NR2C2: variants seen among roughly 807,000 people sequenced by gnomAD.
NR2C2 encodes the protein Nuclear hormone receptor TR4.
NR2C2 carries 6 observed loss-of-function variants against 62.9 expected under a neutral mutation model. The observed-to-expected ratio is 0.10, with a 90% CI of 0.05 to 0.19. NR2C2 has a LOEUF of 0.19. Among genes scored for constraint, NR2C2 ranks in the 10% least tolerant of loss-of-function variants. The probability of loss-of-function intolerance (pLI) is 1.00; values close to 1 mark genes in which losing one functional copy is unlikely to be tolerated. For synonymous variants in NR2C2, 272 were observed against 273.8 expected (o/e 0.99, Z 0.07); for missense variants, 479 against 762.7 (o/e 0.63, Z 4.38).
rs943002638 is a variant in NR2C2, at chr3:15,042,663, A to AT, written c.1617-170dup. 2.0e-5 allele frequency: 12 copies of AT among 598,668 alleles called. No individual in the cohort carries two copies. In the African/African-American group the frequency reaches 2.2e-4, roughly 11 times the overall value. The allele number at this position is 598,668 out of a possible 1,614,324, so 37.1% of individuals were successfully genotyped here. A position where few individuals can be genotyped will look rare whatever the true frequency, so the allele number is the denominator to read the frequency against. ...TTTTGTACTCATTTGGTTTTTTCTC[A>AT]TGATAAATTTCTATAAGAGGAACTG... On this transcript the variant is annotated intron_variant, in intron 13 of 13. Transcript: ENST00000425241.
At position 15,028,640 on chromosome 3, in the gene NR2C2, G is replaced by A. The variant is rs1229736222; in HGVS notation, c.853G>A (p.Ala285Thr). 1 of 1,614,054 alleles carries A rather than the reference G, an allele frequency of 6.2e-7. No homozygotes were observed. The highest frequency in any genetic ancestry group is 1.1e-5 in the South Asian group (1 of 91,084). ...GTLANVVTSL[A>T]NLSESLNNGD... ...ACTGGCAAATGTAGTGACCTCCCTTGCCAACCTAAGTGAATCTTTGAACAA... is the reference window on the plus strand; with the variant it reads ...ACTGGCAAATGTAGTGACCTCCCTTACCAACCTAAGTGAATCTTTGAACAA... Residue 285 changes from alanine to threonine, a missense_variant, in exon 8 of 14, where the codon GCC (alanine) becomes ACC (threonine). This residue lies in a region of NR2C2 where 151 missense variants were observed against 176.1 expected (regional missense o/e 0.86). Coordinates refer to ENST00000425241, the MANE Select transcript of NR2C2 (RefSeq NM_001291694.2).
chr3:15,015,426 C>G (rs564730682), intron 3 of NR2C2, among the ~76,000 whole-genome samples: 3 of 152,232 alleles, frequency 2.0e-5, no homozygotes, highest in Non-Finnish European at 4.4e-5. Flanking sequence ...AGCTCACCAC[C>G]AGCTGCCTCA....
chr3:14,991,367 A>G (rs2040665190), intron 1 of NR2C2, among the ~76,000 whole-genome samples: 1 of 152,236 alleles, frequency 6.6e-6, no homozygotes, highest in African/African-American at 2.4e-5. Context: ...TTGCTGCACA[A>G]AGGGGGTTAA....
chr3:14,980,799 T>C (rs1449548292), intron 1 of NR2C2, among the ~76,000 whole-genome samples: 1 of 151,978 alleles, frequency 6.6e-6, no homozygotes, highest in Admixed American at 6.6e-5. Context: ...TTGGGAGAAA[T>C]GCATAAAGAT....
At chr3:15,013,472 TG>T (rs2041413857) in intron 2 of NR2C2, 116 bp from the exon 3 acceptor site, 2 of 804,440 alleles carry the variant, frequency 2.5e-6, no homozygotes, top group East Asian at 5.3e-5. Context: ...TGAAAATGCA[TG>T]TTAGACAGCA....
At chr3:15,034,929 A>C in intron 11 of NR2C2, 120 bp downstream of exon 11, 1 of 1,052,124 alleles carries the variant, frequency 9.5e-7, no homozygotes, top group South Asian at 1.7e-5. Flanking sequence ...CCAGGCTGGC[A>C]ACATAGCAAA....
At chr3:14,983,139 T>C (rs2040420548) in intron 1 of NR2C2, among the ~76,000 whole-genome samples, 1 of 152,210 alleles carries the variant, frequency 6.6e-6, no homozygotes, top group African/African-American at 2.4e-5. Flanking sequence ...CCCTCAGTTA[T>C]ACTGAAATGT....
chr3:14,977,654 C>G (rs1440407748), intron 1 of NR2C2, among the ~76,000 whole-genome samples: 3 of 152,118 alleles, frequency 2.0e-5, no homozygotes, highest in Non-Finnish European at 4.4e-5. Flanking sequence ...TAATGATCCT[C>G]ATTGTTGGTC....
intron 5 of NR2C2, among the ~76,000 whole-genome samples, chr3:15,022,398 C>CTTTTTTT (rs71038450): frequency 3.4e-5 from 3 of 89,128 alleles, no homozygotes; most frequent in Non-Finnish European, 4.4e-5. Flanking sequence ...CTTTTTCTTT[C>CTTTTTTT]TTTTTTTTTT....
intron 1 of NR2C2, among the ~76,000 whole-genome samples, chr3:14,998,084 A>G (rs1225818316): frequency 6.6e-6 from 1 of 152,230 alleles, no homozygotes; most frequent in Non-Finnish European, 1.5e-5. Flanking sequence ...TCCATGTTGT[A>G]GCATGTATCA....
chr3:14,981,412 G>C (rs906657947), intron 1 of NR2C2, among the ~76,000 whole-genome samples: 21 of 151,992 alleles, frequency 1.4e-4, no homozygotes, highest in Non-Finnish European at 2.9e-4. Flanking sequence ...GACCACCCTG[G>C]CTAACACGGT....
intron 6 of NR2C2, 72 bp downstream of exon 6, chr3:15,023,419 G>A (rs113944575): frequency 6.6e-7 from 1 of 1,517,504 alleles, no homozygotes; most frequent in Non-Finnish European, 9.1e-7. Flanking sequence ...CCCACAGCAG[G>A]CACTGTTGTG....
chr3:15,001,860 C>T (rs2041013307), intron 1 of NR2C2, among the ~76,000 whole-genome samples: 1 of 152,074 alleles, frequency 6.6e-6, no homozygotes, highest in Non-Finnish European at 1.5e-5. Context: ...TCAAGTGATC[C>T]TCCTACCTCG....
At position 15,044,906 on chromosome 3, in the gene NR2C2, AT is replaced by A. The variant is rs1460576647; in HGVS notation, c.*1900del. 6.6e-6 allele frequency: 1 copy of A among 152,210 alleles called. No individual in the cohort carries two copies. Among genetic ancestry groups the A allele is most frequent in the Non-Finnish European group, 1.5e-5 (1 of 68,034 alleles). 9.4% of individuals were successfully genotyped at this position (152,210 alleles called of 1,614,324 possible). ...TGGGAACAGTGTTTCCAACTTCTAA[AT>A]TCTTGTTTGGATTTAATTATATCAT... On this transcript the variant is annotated 3_prime_UTR_variant, in exon 14 of 14. Coordinates refer to ENST00000425241, the MANE Select transcript of NR2C2 (RefSeq NM_001291694.2).
chr3:15,014,454 G>A (rs940806083), intron 3 of NR2C2, among the ~76,000 whole-genome samples: 2 of 151,024 alleles, frequency 1.3e-5, no homozygotes, highest in Non-Finnish European at 2.9e-5. Flanking sequence ...AGCATGCTTC[G>A]TCAGGGTTGT....
At position 15,023,603 on chromosome 3, in the gene NR2C2, G is replaced by A. The variant is rs1163856003; in HGVS notation, c.704+256G>A. Among the ~76,000 whole-genome samples, 3 of 152,160 alleles carry A rather than the reference G, an allele frequency of 2.0e-5. No homozygotes were observed. The East Asian group carries it at 5.8e-4, about 29-fold the overall frequency. On this transcript the variant is annotated intron_variant, in intron 6 of 13. Coordinates refer to ENST00000425241, the MANE Select transcript of NR2C2 (RefSeq NM_001291694.2). ...CCTGCAATTTAGGCATCATTCATAC[G>A]GAAGACAATTATTTTATGATTCAAG...
chr3:15,004,398 C>T (rs1025784616), intron 2 of NR2C2, among the ~76,000 whole-genome samples: 2 of 152,062 alleles, frequency 1.3e-5, no homozygotes, highest in Non-Finnish European at 2.9e-5. Flanking sequence ...ATTTGCCTCA[C>T]GAAGTTATTA....
intron 1 of NR2C2, among the ~76,000 whole-genome samples, chr3:14,953,297 A>G (rs1207037229): frequency 6.6e-6 from 1 of 152,194 alleles, no homozygotes; most frequent in Non-Finnish European, 1.5e-5. Context: ...AAAGATTCTA[A>G]TCCCTGAAAT....
At chr3:15,017,772 C>T (rs963956878) in intron 4 of NR2C2, among the ~76,000 whole-genome samples, 2 of 152,310 alleles carry the variant, frequency 1.3e-5, no homozygotes, top group South Asian at 2.1e-4. Context: ...TCCAGATGCA[C>T]ACTTGGGAAA....
Sources: allele counts gnomAD v4.1 joint callset (sites outside exome capture counted in the v4.1 genomes callset), GRCh38; gene constraint gnomAD v4.1.1; regional missense constraint gnomAD v4.1.1; transcripts MANE v1.5; gene names NCBI Gene and HGNC (gene_info 2026-07-23, HGNC 2026-07-21).